SHROOM1: variants seen among roughly 807,000 people sequenced by gnomAD.
The protein encoded by SHROOM1 is shroom family member 1.
In SHROOM1, 53 loss-of-function variants were observed where a neutral mutation model predicts 64.2. That is an observed-to-expected ratio of 0.83 (90% CI 0.66 to 1.04). The LOEUF is 1.04. Ranked by LOEUF, SHROOM1 falls within the 50% of genes least tolerant of loss-of-function variation. The pLI, the probability that SHROOM1 is intolerant of heterozygous loss-of-function variation, is 0.00. For missense variants in SHROOM1, 1,179 were observed against 1,163.2 expected, an observed-to-expected ratio of 1.01 and a Z score of -0.20; for synonymous variants, 490 against 518.9, an observed-to-expected ratio of 0.94 and a Z score of 0.76.
In SHROOM1 at chr5:132,824,622, G is replaced by C. The variant is rs1409064749; in HGVS notation, c.1234C>G (p.Pro412Ala). The change falls in exon 6 of 10, where the codon CCA becomes GCA. Residue 412 changes from proline (P) to alanine (A), a missense_variant. By Grantham distance (27) the Pro-to-Ala change is conservative (BLOSUM62 -1). Coordinates refer to ENST00000378679, the MANE Select transcript of SHROOM1 (RefSeq NM_001172700.2). ...PPDPHASQGP[P>A]ASVHASDQPY... The stretch of plus-strand genomic sequence containing the variant: ...GAAGCAAGAGGGAATTACCTGGCTG[G>C]GGGCCCCTGGGAGGCATGGGGGTCT... 1 of 1,606,558 alleles carries C rather than the reference G, an allele frequency of 6.2e-7. No individual in the cohort carries two copies. Among genetic ancestry groups the C allele is most frequent in the African/African-American group, 1.3e-5 (1 of 74,776 alleles).
chr5:132,823,041 C>T lies in SHROOM1; in HGVS notation c.2314G>A (p.Ala772Thr), dbSNP rs1324951466. The T allele has an allele frequency of 1.1e-5, 17 of 1,598,472 alleles. No individual in the cohort carries two copies. The highest frequency in any genetic ancestry group is 1.4e-5 in the Non-Finnish European group (17 of 1,178,738). ...GCTCGCACCAGCACCTCCCGCACGG[C>T]CCGCTCGCGCCGCGCTACGTGCTCC... is the stretch of plus-strand genomic sequence containing the variant. ...LKEHVARRER[A>T]VREVLVRALP... Residue 772 changes from alanine to threonine, a missense_variant, in exon 10 of 10, where the codon GCC becomes ACC. Transcript: ENST00000378679. This position sits in a 1 kb window ranked among gnomAD's most constrained non-coding sequence, Gnocchi z 4.6.
chr5:132,829,872 T>C, intron 1 of SHROOM1: 5 of 985,452 alleles, frequency 5.1e-6, no homozygotes, highest in Non-Finnish European at 6.0e-6. Context: ...CCACGCAGCA[T>C]CCACGCTCCG....
rs922764339 is a variant in SHROOM1, at chr5:132,825,494, T to A, written c.647A>T (p.Asn216Ile). 1 of 1,513,092 alleles carries A rather than the reference T, an allele frequency of 6.6e-7. No individual in the cohort carries two copies. The highest frequency in any genetic ancestry group is 1.8e-4 in the Middle Eastern group (1 of 5,680). 93.7% of individuals were successfully genotyped at this position (1,513,092 alleles called of 1,614,324 possible). Residue 216 changes from asparagine (N) to isoleucine (I), a missense_variant, in exon 4 of 10, where the codon AAC becomes ATC. Coordinates refer to ENST00000378679, the MANE Select transcript of SHROOM1 (RefSeq NM_001172700.2). This position sits in a 1 kb window ranked among gnomAD's most constrained non-coding sequence, Gnocchi z 5.1. The part of the protein sequence containing the change: ...PGTAGRGPLA[N>I]QQRKWCFSEP... ...TGAGAAGCACCACTTCCGCTGCTGG[T>A]TGGCGAGGGGACCCCGGCCGGCAGT... is the stretch of plus-strand genomic sequence containing the variant.
chr5:132,825,073 C>T lies in SHROOM1; in HGVS notation c.979G>A (p.Ala327Thr), dbSNP rs1203225611. The T allele has an allele frequency of 6.2e-7, 1 of 1,613,946 alleles. No individual in the cohort carries two copies. The highest frequency in any genetic ancestry group is 8.5e-7 in the Non-Finnish European group (1 of 1,180,020). The change falls in exon 5 of 10, where the codon GCT (alanine) becomes ACT (threonine). Residue 327 changes from alanine to threonine, a missense_variant and splice_region_variant. Coordinates refer to ENST00000378679, the MANE Select transcript of SHROOM1 (RefSeq NM_001172700.2). The surrounding 1 kb of genome is among the most constrained non-coding windows in gnomAD (Gnocchi z 5.1). ...GGGGTTTCTGCTCCTTGGGGAACAG[C>T]CTGGAAGGGTGAACAGTCGACTGAA... ...GSGGTIPIVQ[A>T]VPQGAETPRP...
rs750603594 is a variant in SHROOM1 at position 132,823,452 on chromosome 5, T to TC, written c.2023dup (p.Glu675GlyfsTer66). 10 of 1,611,958 alleles carry TC rather than the reference T, an allele frequency of 6.2e-6. No homozygotes were observed. The highest frequency in any genetic ancestry group is 8.5e-6 in the Non-Finnish European group (10 of 1,179,748). On this transcript the variant is annotated frameshift_variant, in exon 9 of 10. Transcript: ENST00000378679. LOFTEE classifies it high-confidence loss of function. The surrounding 1 kb of genome is among the most constrained non-coding windows in gnomAD (Gnocchi z 4.6). ...TTGGCGCCTGGCCCACGCTTGTGCC[T>TC]CCCCCTGCAGCCGCTCCTGCTCCGT...
In SHROOM1 at chr5:132,823,297, G is replaced by A. The variant is rs1184940278; in HGVS notation, c.2179C>T (p.Arg727Cys). 6.2e-7 allele frequency: 1 copy of A among 1,601,340 alleles called. No homozygotes were observed. ...GAGGCCGCCCGGGCCAGGGCGCGGC[G>A]CACGCGCGCCAGGCGACTGCCCAGC... ...LLLGSRLARV[R>C]RALARAASDS... is the part of the protein sequence containing the mutation. Residue 727 changes from arginine to cysteine, a missense_variant, in exon 9 of 10, where the codon CGC becomes TGC. By Grantham distance (180) the Arg-to-Cys change is radical. Coordinates refer to ENST00000378679, the MANE Select transcript of SHROOM1 (RefSeq NM_001172700.2). This position sits in a 1 kb window ranked among gnomAD's most constrained non-coding sequence, Gnocchi z 4.6.
At position 132,830,144 on chromosome 5, in the gene SHROOM1, C is replaced by T. The variant is rs1306937028; in HGVS notation, c.-501+450G>A. 14 of 985,284 alleles carry T rather than the reference C, an allele frequency of 1.4e-5. No homozygotes were observed. Among genetic ancestry groups the T allele is most frequent in the Admixed American group, 1.2e-4 (2 of 16,276 alleles). 61.0% of individuals were successfully genotyped at this position (985,284 alleles called of 1,614,324 possible). On this transcript the variant is annotated intron_variant, in intron 1 of 9. Coordinates refer to ENST00000378679, the MANE Select transcript of SHROOM1 (RefSeq NM_001172700.2). This position sits in a 1 kb window ranked among gnomAD's most constrained non-coding sequence, Gnocchi z 5.9. ...GCTCGACAGCAGATGGCCGCAGCCC[C>T]GCGCAGTTCTGGGCCTTTCCCGTTG...
At chr5:132,826,237 A>ACAGGCGTGT in intron 3 of SHROOM1, 40 bp downstream of exon 3, 3 of 1,261,036 alleles carry the variant, frequency 2.4e-6, no homozygotes, top group Non-Finnish European at 3.0e-6. Flanking sequence ...GGGCTGGGAC[A>ACAGGCGTGT]GCCTGCTGGC....
In SHROOM1 at chr5:132,824,703, G is replaced by A. The variant is rs972657387; in HGVS notation, c.1153C>T (p.Leu385Phe). 1.2e-6 allele frequency: 2 copies of A among 1,614,142 alleles called. No homozygotes were observed. Among genetic ancestry groups the A allele is most frequent in the Admixed American group, 1.7e-5 (1 of 60,030 alleles). The change falls in exon 6 of 10, where the codon CTT becomes TTT. Residue 385 changes from leucine (L) to phenylalanine (F), a missense_variant. Leu to Phe is a conservative substitution (Grantham distance 22, BLOSUM62 0). Transcript: ENST00000378679. ...TCIVPAWLPS[L>F]PDEVFLEEAP... ...TCTTCTAGGAACACTTCATCAGGAA[G>A]GGAGGGGAGCCAGGCAGGCACAATG...
In SHROOM1 at chr5:132,825,775, C is replaced by T; in HGVS notation, c.366G>A (p.Ala122=). Residue 122 remains alanine (A), a synonymous_variant, in exon 4 of 10, where the codon GCG becomes GCA. Transcript: ENST00000378679. This position sits in a 1 kb window ranked among gnomAD's most constrained non-coding sequence, Gnocchi z 5.1. ...TPLLYALAAE[A]EAAAQAAEPP... is the part of the protein sequence containing the mutation. ...GCTCGGCAGCCTGCGCCGCGGCCTC[C>T]GCCTCGGCCGCCAGCGCGTACAGCA... The T allele has an allele frequency of 2.4e-6, 3 of 1,241,936 alleles. No individual in the cohort carries two copies. The highest frequency in any genetic ancestry group is 3.0e-6 in the Non-Finnish European group (3 of 995,998). 76.9% of individuals were successfully genotyped at this position (1,241,936 alleles called of 1,614,324 possible).
chr5:132,824,784 C>A lies in SHROOM1; in HGVS notation c.1072G>T (p.Ala358Ser). 6.2e-7 allele frequency: 1 copy of A among 1,614,106 alleles called. No homozygotes were observed. Among genetic ancestry groups the A allele is most frequent in the East Asian group, 2.2e-5 (1 of 44,882 alleles). Reference protein sequence around the residue: ...PQKEAAVMYPAELPQSSPADS... With the variant: ...PQKEAAVMYPSELPQSSPADS... Reference sequence around the variant, plus strand: ...GCAGGGCTGCTCTGGGGTAACTCTGCAGGATACATCACCGCAGCCTCTTTC... The same window carrying A: ...GCAGGGCTGCTCTGGGGTAACTCTGAAGGATACATCACCGCAGCCTCTTTC... The change falls in exon 6 of 10, where the codon GCA becomes TCA. Residue 358 changes from alanine (A) to serine (S), a missense_variant. Coordinates refer to ENST00000378679, the MANE Select transcript of SHROOM1 (RefSeq NM_001172700.2).
In SHROOM1 at chr5:132,822,714, G is replaced by C; in HGVS notation, c.*82C>G. On this transcript the variant is annotated 3_prime_UTR_variant, in exon 10 of 10. Transcript: ENST00000378679. ...CTGGGTCCTCCCCAATCCCTCAAGG[G>C]AAAAGCAGAGACTAAATCAGCATCA... The C allele has an allele frequency of 1.4e-6, 2 of 1,437,864 alleles. No homozygotes were observed. Among genetic ancestry groups the C allele is most frequent in the Non-Finnish European group, 1.9e-6 (2 of 1,075,770 alleles). The allele number at this position is 1,437,864 out of a possible 1,614,324, so 89.1% of individuals were successfully genotyped here. A position where few individuals can be genotyped will look rare whatever the true frequency, so the allele number is the denominator to read the frequency against.
Position 132,825,959 on chromosome 5 carries a change from TC to T in SHROOM1, c.181del (p.Asp61ThrfsTer47). On this transcript the variant is annotated frameshift_variant, in exon 4 of 10. Transcript: ENST00000378679. LOFTEE classifies it high-confidence loss of function. This position sits in a 1 kb window ranked among gnomAD's most constrained non-coding sequence, Gnocchi z 5.1. ...GCCGCCCCAAACCACACGCACGTAG[TC>T]CCAGTCTAGGTAAGGAAGGAGGTCT... The part of the protein sequence containing the change: ...GTDLLPYLDW[D>X]YVRVVWGGPG... The T allele has an allele frequency of 6.8e-7, 1 of 1,468,384 alleles. No individual in the cohort carries two copies. The highest frequency in any genetic ancestry group is 2.5e-5 in the Admixed American group (1 of 39,568). 91.0% of individuals were successfully genotyped at this position (1,468,384 alleles called of 1,614,324 possible). A position where few individuals can be genotyped will look rare whatever the true frequency, so the allele number is the denominator to read the frequency against.
chr5:132,825,379 C>T lies in SHROOM1; in HGVS notation c.762G>A (p.Gly254=). ...GATGCTGGAACTCCAAGGGCTCGGG[C>T]CCAGGGAGGCCAGAGCTGGAGCAGG... The part of the protein sequence containing the change: ...GEACSSSGLP[G]PEPLEFQHPA... Residue 254 remains glycine, a synonymous_variant, in exon 4 of 10, where the codon GGG becomes GGA. Coordinates refer to ENST00000378679, the MANE Select transcript of SHROOM1 (RefSeq NM_001172700.2). The surrounding 1 kb of genome is among the most constrained non-coding windows in gnomAD (Gnocchi z 5.1). The T allele has an allele frequency of 1.3e-6, 2 of 1,597,256 alleles. No homozygotes were observed. Among genetic ancestry groups the T allele is most frequent in the Non-Finnish European group, 1.7e-6 (2 of 1,178,640 alleles).
Position 132,825,825 on chromosome 5 carries a change from G to T in SHROOM1, c.316C>A (p.Pro106Thr). The T allele has an allele frequency of 7.9e-7, 1 of 1,262,258 alleles. No individual in the cohort carries two copies. The highest frequency in any genetic ancestry group is 1.0e-6 in the Non-Finnish European group (1 of 1,003,726). The allele number at this position is 1,262,258 out of a possible 1,614,324, so 78.2% of individuals were successfully genotyped here. Residue 106 changes from proline to threonine, a missense_variant, in exon 4 of 10, where the codon CCA (proline) becomes ACA (threonine). Physicochemically the swap from Pro to Thr is conservative, Grantham distance 38. Coordinates refer to ENST00000378679, the MANE Select transcript of SHROOM1 (RefSeq NM_001172700.2). This position sits in a 1 kb window ranked among gnomAD's most constrained non-coding sequence, Gnocchi z 5.1. ...QPTEVPGTPG[P>T]LNRQATPLLY... ...AGCGGGGTGGCCTGCCTGTTCAGTGGTCCCGGGGTCCCCGGGACCTCTGTT... is the reference window on the plus strand; with the variant it reads ...AGCGGGGTGGCCTGCCTGTTCAGTGTTCCCGGGGTCCCCGGGACCTCTGTT...
intron 1 of SHROOM1, chr5:132,829,876 C>CGCTCCGAGTGTGCGACTG (rs1758798384): frequency 1.0e-6 from 1 of 985,496 alleles, no homozygotes; most frequent in African/African-American, 1.7e-5. Flanking sequence ...GCAGCATCCA[C>CGCTCCGAGTGTGCGACTG]GCTCCGAGTG....
In SHROOM1 at chr5:132,824,030, T is replaced by A; in HGVS notation, c.1631A>T (p.Glu544Val). The A allele has an allele frequency of 1.2e-6, 2 of 1,607,986 alleles. No homozygotes were observed. Among genetic ancestry groups the A allele is most frequent in the Non-Finnish European group, 1.7e-6 (2 of 1,176,674 alleles). Reference protein sequence around the residue: ...RPTWPSQCLEELVQELARLDP... With the variant: ...RPTWPSQCLEVLVQELARLDP... ...TAATCTGGCCAGCTCCTGAACCAGC[T>A]CCTCGAGGCACTGACTAGGCCATGT... Residue 544 changes from glutamate to valine, a missense_variant, in exon 7 of 10, where the codon GAG becomes GTG. Transcript: ENST00000378679.
rs1758496014 is a variant in SHROOM1, at chr5:132,822,938, A to G, written c.2417T>C (p.Leu806Pro). 2 of 1,612,592 alleles carry G rather than the reference A, an allele frequency of 1.2e-6. No homozygotes were observed. Among genetic ancestry groups the G allele is most frequent in the East Asian group, 2.2e-5 (1 of 44,886 alleles). The change falls in exon 10 of 10, where the codon CTG (leucine) becomes CCG (proline). Residue 806 changes from leucine (L) to proline (P), a missense_variant. Physicochemically the swap from Leu to Pro is moderately conservative, Grantham distance 98. Coordinates refer to ENST00000378679, the MANE Select transcript of SHROOM1 (RefSeq NM_001172700.2). ...KAAVLAQQRN[L>P]DERIRLLQDQ... ...CTGAAGGAGGCGGATGCGCTCGTCC[A>G]GGTTGCGCTGCTGGGCCAGGACGGC... is the stretch of plus-strand genomic sequence containing the variant.
rs756559203 is a variant in SHROOM1, at chr5:132,823,475, C to T, written c.2001G>A (p.Thr667=). ...RLQKMLQDLH[T]EQERLQGEAQ... ...CCTCCCCCTGCAGCCGCTCCTGCTCCGTGTGAAGGTCCTGAAGCATCTTTT... is the reference window on the plus strand; with the variant it reads ...CCTCCCCCTGCAGCCGCTCCTGCTCTGTGTGAAGGTCCTGAAGCATCTTTT... Residue 667 remains threonine, a synonymous_variant, in exon 9 of 10, where the codon ACG becomes ACA. Coordinates refer to ENST00000378679, the MANE Select transcript of SHROOM1 (RefSeq NM_001172700.2). This position sits in a 1 kb window ranked among gnomAD's most constrained non-coding sequence, Gnocchi z 4.6. 1 of 1,611,726 alleles carries T rather than the reference C, an allele frequency of 6.2e-7. No homozygotes were observed.
Sources: allele counts gnomAD v4.1 joint callset, GRCh38; gene constraint gnomAD v4.1.1; non-coding constraint Gnocchi (gnomAD v3.1); transcripts MANE v1.5; gene names NCBI Gene and HGNC (gene_info 2026-07-23, HGNC 2026-07-21).